Variants in DIRAS2 observed in about 807,000 individuals in gnomAD.
DIRAS2 encodes DIRAS family GTPase 2.
A neutral mutation model predicts 13.9 loss-of-function variants in DIRAS2; 5 were observed. The observed-to-expected ratio is 0.36, with a 90% confidence interval of 0.19 to 0.76. DIRAS2 has a LOEUF of 0.76. Ranked by LOEUF, DIRAS2 falls within the 30% of genes least tolerant of loss-of-function variation. The pLI is 0.53. For synonymous variants in DIRAS2, 111 were observed against 105.4 expected, an observed-to-expected ratio of 1.05 and a Z score of -0.33; for missense variants, 191 against 263.0, an observed-to-expected ratio of 0.73 and a Z score of 1.89.
intron 1 of DIRAS2, among the ~76,000 whole-genome samples, chr9:90,615,780 G>A (rs1336837892): frequency 2.6e-5 from 4 of 152,210 alleles, no homozygotes; most frequent in Non-Finnish European, 4.4e-5. Context: ...CTGATGCCAT[G>A]ACAGGCATTG....
At chr9:90,624,038 A>G (rs1825245738) in intron 1 of DIRAS2, among the ~76,000 whole-genome samples, 1 of 151,178 alleles carries the variant, frequency 6.6e-6, no homozygotes, top group Non-Finnish European at 1.5e-5. Context: ...TACAAAGCTA[A>G]AAGGTTTATA....
chr9:90,613,871 AG>A lies in DIRAS2; in HGVS notation c.-36-9del, dbSNP rs1359064528. The A allele has an allele frequency of 1.9e-6, 3 of 1,568,146 alleles. No homozygotes were observed. ...CTCTCAGCCAGGACGCACCTAGCAA[AG>A]GAACCAGATGTTTGAAAGAATTAAT... On this transcript the variant is annotated splice_polypyrimidine_tract_variant and intron_variant, in intron 1 of 1. Transcript: ENST00000375765. The surrounding 1 kb of genome is among the most constrained non-coding windows in gnomAD (Gnocchi z 5.6).
chr9:90,635,306 G>A (rs77668617), intron 1 of DIRAS2, among the ~76,000 whole-genome samples: 6,342 of 152,272 alleles, frequency 0.042, 208 homozygotes, highest in Admixed American at 0.064. Flanking sequence ...TAGCTAATCT[G>A]GGAAAGCACT....
rs1825096597 is a variant in DIRAS2 at position 90,610,137 on chromosome 9, T to C, written c.*3091A>G. On this transcript the variant is annotated 3_prime_UTR_variant, in exon 2 of 2. Transcript: ENST00000375765. The stretch of plus-strand genomic sequence containing the variant: ...GTTGTAGATATTTCCAGAGAACTTA[T>C]GTAGAAGCAACACATTACAAATTTT... The C allele has an allele frequency of 1.3e-5, 4 of 298,016 alleles. No homozygotes were observed. The highest frequency in any genetic ancestry group is 4.3e-5 in the African/African-American group (2 of 46,508). 18.5% of individuals were successfully genotyped at this position (298,016 alleles called of 1,614,324 possible).
At chr9:90,617,113 A>G (rs1039151374) in intron 1 of DIRAS2, among the ~76,000 whole-genome samples, 1 of 152,248 alleles carries the variant, frequency 6.6e-6, no homozygotes, top group East Asian at 1.9e-4. Context: ...TGCTCATGCC[A>G]TGGTAGACAG....
intron 1 of DIRAS2, among the ~76,000 whole-genome samples, chr9:90,617,109 T>A (rs1413474075): frequency 6.6e-6 from 1 of 152,242 alleles, no homozygotes; most frequent in Non-Finnish European, 1.5e-5. Context: ...CTAATGCTCA[T>A]GCCATGGTAG....
At chr9:90,619,622 T>A (rs927298665) in intron 1 of DIRAS2, among the ~76,000 whole-genome samples, 5 of 152,166 alleles carry the variant, frequency 3.3e-5, no homozygotes, top group Admixed American at 2.0e-4. Context: ...ATATTGCTGT[T>A]TTGGAAAAAA....
rs140807349 is a variant in DIRAS2 at position 90,618,285 on chromosome 9, T to C, written c.-36-4422A>G. Among the ~76,000 whole-genome samples, 312 of 152,322 alleles carry C rather than the reference T, an allele frequency of 2.0e-3. 6 individuals carry two copies. In the South Asian group the frequency reaches 0.049, roughly 24 times the overall value. On this transcript the variant is annotated intron_variant, in intron 1 of 1. Transcript: ENST00000375765. ...AACCCTCATATTTACAGTCAATTGT[T>C]TTTTGACAAGGGTGTCAATAAAATT...
intron 1 of DIRAS2, among the ~76,000 whole-genome samples, chr9:90,641,663 C>A (rs1382031066): frequency 1.3e-5 from 2 of 152,098 alleles, no homozygotes; most frequent in Admixed American, 1.3e-4. Flanking sequence ...TCTCTCCCTC[C>A]CCCTCCACCT....
chr9:90,635,797 T>C (rs1405306738), intron 1 of DIRAS2, among the ~76,000 whole-genome samples: 1 of 152,224 alleles, frequency 6.6e-6, no homozygotes. Context: ...TAATATTTAG[T>C]ATTTACATGT....
chr9:90,633,167 G>T (rs1485642251), intron 1 of DIRAS2, among the ~76,000 whole-genome samples: 2 of 152,202 alleles, frequency 1.3e-5, no homozygotes, highest in South Asian at 4.1e-4. Flanking sequence ...AGCCACTGAA[G>T]GGGCCCTGGC....
chr9:90,613,344 A>G lies in DIRAS2; in HGVS notation c.484T>C (p.Phe162Leu). ...TTCTCCAGGTTGAGCAGCTCCTGGA[A>G]AAGCTCCTTCACGTTATGGTTGAGC... is the stretch of plus-strand genomic sequence containing the variant. Reference protein sequence around the residue: ...AKLNHNVKELFQELLNLEKRR... With the variant: ...AKLNHNVKELLQELLNLEKRR... Residue 162 changes from phenylalanine to leucine, a missense_variant, in exon 2 of 2, where the codon TTC (phenylalanine) becomes CTC (leucine). Coordinates refer to ENST00000375765, the MANE Select transcript of DIRAS2 (RefSeq NM_017594.5). This position sits in a 1 kb window ranked among gnomAD's most constrained non-coding sequence, Gnocchi z 5.6. The G allele has an allele frequency of 6.2e-7, 1 of 1,614,060 alleles. No individual in the cohort carries two copies. Among genetic ancestry groups the G allele is most frequent in the Non-Finnish European group, 8.5e-7 (1 of 1,180,006 alleles).
At chr9:90,619,807 A>G (rs73505447) in intron 1 of DIRAS2, among the ~76,000 whole-genome samples, 3,503 of 152,352 alleles carry the variant, frequency 0.023, 110 homozygotes, top group African/African-American at 0.079. Context: ...AATGTTTGTA[A>G]CTAATGAATG....
intron 1 of DIRAS2, among the ~76,000 whole-genome samples, chr9:90,628,996 G>C (rs190140520): frequency 6.6e-6 from 1 of 151,862 alleles, no homozygotes; most frequent in Non-Finnish European, 1.5e-5. Flanking sequence ...CTGGGACTAC[G>C]GGCGCCCGCC....
chr9:90,635,111 C>T (rs1825358708), intron 1 of DIRAS2, among the ~76,000 whole-genome samples: 1 of 152,214 alleles, frequency 6.6e-6, no homozygotes, highest in African/African-American at 2.4e-5. Context: ...CACATTTGAA[C>T]TCAAGTTTAG....
At chr9:90,642,520 A>G (rs1825427555) in intron 1 of DIRAS2, among the ~76,000 whole-genome samples, 1 of 152,210 alleles carries the variant, frequency 6.6e-6, no homozygotes, top group South Asian at 2.1e-4. Context: ...TACGTAAGAT[A>G]CAGATTTTTA....
intron 1 of DIRAS2, among the ~76,000 whole-genome samples, chr9:90,630,897 C>A (rs1158500242): frequency 1.3e-5 from 2 of 152,102 alleles, no homozygotes; most frequent in African/African-American, 4.8e-5. Flanking sequence ...ATGATTCCAC[C>A]CTTACATGAG....
At chr9:90,626,642 A>G (rs1370572581) in intron 1 of DIRAS2, among the ~76,000 whole-genome samples, 2 of 152,222 alleles carry the variant, frequency 1.3e-5, no homozygotes, top group Non-Finnish European at 2.9e-5. Flanking sequence ...AGTGTTAGCA[A>G]AGATAGAGAG....
intron 1 of DIRAS2, among the ~76,000 whole-genome samples, chr9:90,614,192 T>C (rs1049677941): frequency 2.6e-5 from 4 of 152,072 alleles, no homozygotes; most frequent in African/African-American, 9.7e-5. Context: ...ATAAATTAAC[T>C]ACCCCCGTAA....
Sources: allele counts gnomAD v4.1 joint callset (sites outside exome capture counted in the v4.1 genomes callset), GRCh38; gene constraint gnomAD v4.1.1; non-coding constraint Gnocchi (gnomAD v3.1); transcripts MANE v1.5; gene names NCBI Gene and HGNC (gene_info 2026-07-23, HGNC 2026-07-21).